MTA3: variants seen among roughly 807,000 people sequenced by gnomAD.
MTA3 encodes metastasis-associated protein MTA3.
A neutral mutation model predicts 83.5 loss-of-function variants in MTA3; 34 were observed. The observed-to-expected ratio is 0.41, with a 90% CI of 0.31 to 0.54. The LOEUF is 0.54. MTA3 is among the 20% of genes least tolerant of loss of function. The pLI, the probability that MTA3 is intolerant of heterozygous loss-of-function variation, is 0.33. For synonymous variants in MTA3, 303 were observed against 252.7 expected, an observed-to-expected ratio of 1.20 and a Z score of -1.89; for missense variants, 761 against 726.4, an observed-to-expected ratio of 1.05 and a Z score of -0.55.
chr2:42,548,076 G>A (rs1019083666), intron 2 of MTA3, among the ~76,000 whole-genome samples: 1 of 152,210 alleles, frequency 6.6e-6, no homozygotes, highest in Admixed American at 6.5e-5. Context: ...CACCCATACA[G>A]TAGAGAGGCA....
intron 15 of MTA3, among the ~76,000 whole-genome samples, chr2:42,720,425 C>G (rs916917635): frequency 2.0e-5 from 3 of 152,154 alleles, no homozygotes; most frequent in Non-Finnish European, 4.4e-5. Context: ...TCATGATCCG[C>G]CCACCTCGGC....
intron 8 of MTA3, among the ~76,000 whole-genome samples, chr2:42,665,571 C>T (rs780690519): frequency 5.3e-5 from 8 of 152,166 alleles, no homozygotes; most frequent in Non-Finnish European, 1.0e-4. Flanking sequence ...TTGGCCAGAG[C>T]AAGGTCTGCA....
intron 8 of MTA3, among the ~76,000 whole-genome samples, chr2:42,673,893 C>G (rs761219993): frequency 6.6e-6 from 1 of 152,248 alleles, no homozygotes; most frequent in Non-Finnish European, 1.5e-5. Flanking sequence ...CACAACACTT[C>G]TGGCAACTAG....
At chr2:42,501,614 T>A in intron 2 of MTA3, among the ~76,000 whole-genome samples, 1 of 152,162 alleles carries the variant, frequency 6.6e-6, no homozygotes, top group East Asian at 1.9e-4. Context: ...GCATCAGGAT[T>A]GCAGCGAGAC....
In MTA3 at chr2:42,660,418, A is replaced by G. The variant is rs559492498; in HGVS notation, c.702+556A>G. Among the ~76,000 whole-genome samples the G allele has an allele frequency of 6.6e-5, 10 of 152,300 alleles. No homozygotes were observed. The South Asian group carries it at 2.1e-3, about 32-fold the overall frequency. Reference sequence around the variant, plus strand: ...GCTATTTTCTATATAATTTTATTACATTATAGTTGATATCTTTTAAATCTA... The same window carrying G: ...GCTATTTTCTATATAATTTTATTACGTTATAGTTGATATCTTTTAAATCTA... On this transcript the variant is annotated intron_variant, in intron 8 of 16. Coordinates refer to ENST00000405094, the MANE Select transcript of MTA3 (RefSeq NM_001330442.2).
intron 2 of MTA3, among the ~76,000 whole-genome samples, chr2:42,578,748 G>C (rs1679310931): frequency 6.6e-6 from 1 of 152,124 alleles, no homozygotes; most frequent in Non-Finnish European, 1.5e-5. Context: ...AAATTGGTGG[G>C]ATTAGTTTCT....
chr2:42,724,277 A>AACACACACACACACACAC (rs34379999), intron 16 of MTA3, among the ~76,000 whole-genome samples: 1,097 of 73,122 alleles, frequency 0.015, 60 homozygotes, highest in Non-Finnish European at 0.019. Context: ...AGTCCTGAAA[A>AACACACACACACACACAC]ACACACACAC....
chr2:42,565,332 G>T (rs943849668), upstream of MTA3, among the ~76,000 whole-genome samples: 2 of 151,406 alleles, frequency 1.3e-5, no homozygotes, highest in Admixed American at 1.3e-4. Flanking sequence ...GACCATAGGT[G>T]CGCACCAACT....
Position 42,735,615 on chromosome 2 carries a change from A to G in MTA3, c.1759+12580A>G, listed in dbSNP as rs146301157. Reference sequence around the variant, plus strand: ...CTTTTAGATTTGCCCCTTTGAAGCTATTTTCTAGATCTTTTAAGTGTGCTT... The same window carrying G: ...CTTTTAGATTTGCCCCTTTGAAGCTGTTTTCTAGATCTTTTAAGTGTGCTT... On this transcript the variant is annotated intron_variant, in intron 16 of 16. Transcript: ENST00000405094. Among the ~76,000 whole-genome samples the G allele has an allele frequency of 4.9e-3, 738 of 152,076 alleles. 11 individuals are homozygous for G. The highest frequency in any genetic ancestry group is 0.017 in the African/African-American group (707 of 41,490).
intron 2 of MTA3, among the ~76,000 whole-genome samples, chr2:42,498,205 C>T (rs941205546): frequency 6.6e-6 from 1 of 152,220 alleles, no homozygotes; most frequent in African/African-American, 2.4e-5. Context: ...GTTTATTTCT[C>T]AGCCTCTGCC....
intron 2 of MTA3, among the ~76,000 whole-genome samples, chr2:42,557,482 GAA>G (rs1463497272): frequency 6.6e-6 from 1 of 152,056 alleles, no homozygotes; most frequent in Non-Finnish European, 1.5e-5. Context: ...CCAAAGCCTC[GAA>G]AAGGTCAAAC....
chr2:42,678,254 G>A (rs936559931), intron 8 of MTA3, among the ~76,000 whole-genome samples: 2 of 152,144 alleles, frequency 1.3e-5, no homozygotes, highest in African/African-American at 4.8e-5. Flanking sequence ...CACATGGCCA[G>A]TGGCCTTTGT....
At chr2:42,523,787 G>T (rs1675539559) in intron 2 of MTA3, among the ~76,000 whole-genome samples, 1 of 152,020 alleles carries the variant, frequency 6.6e-6, no homozygotes, top group Non-Finnish European at 1.5e-5. Context: ...GTGTGGTGGT[G>T]CATGCCTGTA....
At chr2:42,552,941 C>T (rs1355856568) in intron 2 of MTA3, among the ~76,000 whole-genome samples, 1 of 149,712 alleles carries the variant, frequency 6.7e-6, no homozygotes, top group Non-Finnish European at 1.5e-5. Flanking sequence ...CACCGCAAGA[C>T]TCCATCTCAA....
At chr2:42,497,577 T>TC (rs1304968634) in intron 2 of MTA3, among the ~76,000 whole-genome samples, 50 of 146,982 alleles carry the variant, frequency 3.4e-4, no homozygotes, top group Admixed American at 2.7e-3. Flanking sequence ...GGAGCGAGAC[T>TC]CCATCTCAAA....
chr2:42,510,073 C>G (rs571133483), intron 2 of MTA3, among the ~76,000 whole-genome samples: 8 of 152,218 alleles, frequency 5.3e-5, no homozygotes, highest in African/African-American at 1.9e-4. Context: ...TGCCTGTAAT[C>G]CCAGCACTTT....
chr2:42,692,545 C>G (rs939321354), intron 9 of MTA3, among the ~76,000 whole-genome samples: 3 of 152,000 alleles, frequency 2.0e-5, no homozygotes, highest in African/African-American at 4.8e-5. Flanking sequence ...GTGCCTCAGC[C>G]TCCCAAGTAG....
intron 2 of MTA3, among the ~76,000 whole-genome samples, chr2:42,538,750 A>G (rs1169406939): frequency 2.9e-5 from 4 of 138,594 alleles, no homozygotes; most frequent in Non-Finnish European, 4.7e-5. Context: ...AAAGAAAAAG[A>G]AAAAAATGTT....
chr2:42,753,782 C>G lies in MTA3; in HGVS notation c.*383C>G. ...GAGCCGCTGCCACCCTGCATGTGTCCGCTCAGCTCGGTCTTATGCTGTATA... is the reference window on the plus strand; with the variant it reads ...GAGCCGCTGCCACCCTGCATGTGTCGGCTCAGCTCGGTCTTATGCTGTATA... On this transcript the variant is annotated 3_prime_UTR_variant, in exon 17 of 17. Coordinates refer to ENST00000405094, the MANE Select transcript of MTA3 (RefSeq NM_001330442.2). 2 of 1,108,868 alleles carry G rather than the reference C, an allele frequency of 1.8e-6. No individual in the cohort carries two copies. Among genetic ancestry groups the G allele is most frequent in the Non-Finnish European group, 2.2e-6 (2 of 903,206 alleles). The allele number at this position is 1,108,868 out of a possible 1,614,324, so 68.7% of individuals were successfully genotyped here. A position where few individuals can be genotyped will look rare whatever the true frequency, so the allele number is the denominator to read the frequency against.
Sources: allele counts gnomAD v4.1 joint callset (sites outside exome capture counted in the v4.1 genomes callset), GRCh38; gene constraint gnomAD v4.1.1; transcripts MANE v1.5; gene names NCBI Gene and HGNC (gene_info 2026-07-23, HGNC 2026-07-21).